GALNS: variants seen among roughly 807,000 people sequenced by gnomAD.
GALNS encodes N-acetylgalactosamine-6-sulfatase.
Under a neutral mutation model 65.9 loss-of-function variants are expected in GALNS, and 65 were observed. The observed-to-expected ratio is 0.99, with a 90% CI of 0.81 to 1.21. The LOEUF (loss-of-function observed/expected upper bound fraction) is 1.21, where lower values mean the gene tolerates loss of function less well. Ranked by LOEUF, GALNS falls within the 50% of genes most tolerant of loss-of-function variation. GALNS has a pLI of 0.00. For missense variants in GALNS, 776 were observed against 700.7 expected, an observed-to-expected ratio of 1.11 and a Z score of -1.21; for synonymous variants, 346 against 288.9, an observed-to-expected ratio of 1.20 and a Z score of -2.00.
chr16:88,846,530 T>C (rs537892462), intron 1 of GALNS, among the ~76,000 whole-genome samples: 37 of 148,716 alleles, frequency 2.5e-4, no homozygotes, highest in African/African-American at 9.2e-4. Flanking sequence ...TTTTTTTTTT[T>C]TTTGAGACGA....
rs1555521204 is a variant in GALNS, at chr16:88,833,454, C to CTT, written c.899-1355_899-1354dup. Among the ~76,000 whole-genome samples the CTT allele has an allele frequency of 9.4e-3, 1,322 of 141,162 alleles. 26 individuals are homozygous for CTT. The highest frequency in any genetic ancestry group is 0.033 in the African/African-American group (1,243 of 37,482). 92.6% of individuals were successfully genotyped at this position (141,162 alleles called of 152,430 possible). ...TTTCTTTCCTTCTCTCTCCCATCCC[C>CTT]TTTTTTTTTTTTTTTGACATGGAGT... On this transcript the variant is annotated intron_variant, in intron 8 of 13. Coordinates refer to ENST00000268695, the MANE Select transcript of GALNS (RefSeq NM_000512.5).
At chr16:88,823,872 C>T (rs369672820) in intron 11 of GALNS, among the ~76,000 whole-genome samples, 1 of 152,026 alleles carries the variant, frequency 6.6e-6, no homozygotes, top group East Asian at 1.9e-4. Flanking sequence ...TGCCGGGGAC[C>T]GATGCCCAGG....
intron 4 of GALNS, 133 bp from the exon 5 acceptor site, chr16:88,837,898 C>A: frequency 1.1e-6 from 1 of 893,000 alleles, no homozygotes; most frequent in Non-Finnish European, 1.8e-6. Flanking sequence ...TGGGCTATGC[C>A]TGGGCACGGC....
chr16:88,855,139 T>C, intron 1 of GALNS: 4 of 581,742 alleles, frequency 6.9e-6, no homozygotes, highest in Non-Finnish European at 1.3e-5. Flanking sequence ...ACAGACTAAC[T>C]TTATATTTTA....
chr16:88,851,283 G>A (rs1397084446), intron 1 of GALNS, among the ~76,000 whole-genome samples: 1 of 152,196 alleles, frequency 6.6e-6, no homozygotes, highest in Non-Finnish European at 1.5e-5. Flanking sequence ...GGAGGCTGAG[G>A]AGGGAGGATC....
In GALNS at chr16:88,831,991, G is replaced by T; in HGVS notation, c.1002+7C>A. On this transcript the variant is annotated splice_region_variant and intron_variant, in intron 9 of 13. Coordinates refer to ENST00000268695, the MANE Select transcript of GALNS (RefSeq NM_000512.5). The stretch of plus-strand genomic sequence containing the variant: ...GCTGCCCGGCAGACCGGTGGACGCT[G>T]ACTCACCTGGCCTGCAGTGACGTGC... The T allele has an allele frequency of 6.2e-7, 1 of 1,611,852 alleles. No homozygotes were observed. Among genetic ancestry groups the T allele is most frequent in the Admixed American group, 1.7e-5 (1 of 59,976 alleles).
At chr16:88,851,896 C>G (rs1433218944) in intron 1 of GALNS, among the ~76,000 whole-genome samples, 1 of 152,254 alleles carries the variant, frequency 6.6e-6, no homozygotes, top group African/African-American at 2.4e-5. Flanking sequence ...TCTGCAAAGC[C>G]TGCTGCCTCT....
At chr16:88,855,087 A>G (rs1567548008) in intron 1 of GALNS, 3 of 438,932 alleles carry the variant, frequency 6.8e-6, no homozygotes, top group Non-Finnish European at 8.9e-6. Flanking sequence ...GCAATTCCCT[A>G]TTTACCGGGA....
At chr16:88,818,918 G>A (rs1278170124) in intron 12 of GALNS, among the ~76,000 whole-genome samples, 5 of 152,192 alleles carry the variant, frequency 3.3e-5, no homozygotes, top group Admixed American at 1.3e-4. Flanking sequence ...TGGTGGGGAC[G>A]TGGACCGGAG....
chr16:88,829,496 G>T (rs904055111), intron 9 of GALNS, among the ~76,000 whole-genome samples: 1 of 152,222 alleles, frequency 6.6e-6, no homozygotes, highest in Non-Finnish European at 1.5e-5. Context: ...TGGGAACTTG[G>T]GGTGGCCCAG....
At chr16:88,827,925 AC>A (rs1178010283) in intron 9 of GALNS, among the ~76,000 whole-genome samples, 1 of 152,102 alleles carries the variant, frequency 6.6e-6, no homozygotes, top group African/African-American at 2.4e-5. Flanking sequence ...GTCCAGGGGC[AC>A]CCTCGCCGCC....
chr16:88,839,719 G>A (rs1567535042), intron 4 of GALNS, among the ~76,000 whole-genome samples: 1 of 152,236 alleles, frequency 6.6e-6, no homozygotes. Context: ...GGAGCCTGGG[G>A]CTCTGAGGTC....
At chr16:88,821,373 A>G (rs1910201378) in intron 12 of GALNS, among the ~76,000 whole-genome samples, 1 of 152,236 alleles carries the variant, frequency 6.6e-6, no homozygotes, top group South Asian at 2.1e-4. Flanking sequence ...CCTTGGACCC[A>G]GCGCCACCCG....
intron 10 of GALNS, among the ~76,000 whole-genome samples, chr16:88,826,412 C>T (rs895497450): frequency 8.6e-5 from 13 of 151,982 alleles, no homozygotes; most frequent in Non-Finnish European, 1.6e-4. Flanking sequence ...CGGCATGTGC[C>T]CGGGTACAGG....
chr16:88,840,664 C>T lies in GALNS; in HGVS notation c.422+328G>A, dbSNP rs115776613. 0.013 allele frequency: 5,243 copies of T among 413,872 alleles called. 243 individuals carry two copies. The highest frequency in any genetic ancestry group is 0.099 in the African/African-American group (4,851 of 48,882). The allele number at this position is 413,872 out of a possible 1,614,324, so 25.6% of individuals were successfully genotyped here. A position where few individuals can be genotyped will look rare whatever the true frequency, so the allele number is the denominator to read the frequency against. ...CCTGTGTGTAATGACGTGGCCCCTCCAAGGACGACGTGGCAGGAGGCAGCC... is the reference window on the plus strand; with the variant it reads ...CCTGTGTGTAATGACGTGGCCCCTCTAAGGACGACGTGGCAGGAGGCAGCC... On this transcript the variant is annotated intron_variant, in intron 4 of 13. Coordinates refer to ENST00000268695, the MANE Select transcript of GALNS (RefSeq NM_000512.5).
intron 13 of GALNS, chr16:88,816,509 A>AGGGGGGGGGGGG: frequency 2.5e-6 from 2 of 793,100 alleles, no homozygotes; most frequent in Non-Finnish European, 3.0e-6. Context: ...GAAACTTGCC[A>AGGGGGGGGGGGG]GGCACCCCCG....
In GALNS at chr16:88,836,251, G is replaced by T. The variant is rs1015490959; in HGVS notation, c.583C>A (p.Pro195Thr). ...EMVGRYYEEF[P>T]INLKTGEANL... ...GCTTCCCCCGTCTTCAGATTAATAG[G>T]AAATTCTTCATAATATCTGAAAAGA... Residue 195 changes from proline (P) to threonine (T), a missense_variant, in exon 6 of 14, where the codon CCT becomes ACT. Coordinates refer to ENST00000268695, the MANE Select transcript of GALNS (RefSeq NM_000512.5). 1 of 1,612,860 alleles carries T rather than the reference G, an allele frequency of 6.2e-7. No individual in the cohort carries two copies. Among genetic ancestry groups the T allele is most frequent in the African/African-American group, 1.3e-5 (1 of 75,032 alleles).
intron 11 of GALNS, among the ~76,000 whole-genome samples, chr16:88,824,501 C>G (rs1910596624): frequency 6.6e-6 from 1 of 152,084 alleles, no homozygotes; most frequent in Admixed American, 6.5e-5. Context: ...GGCCACCTGA[C>G]CAGGGTCTAG....
At chr16:88,816,249 G>T in intron 13 of GALNS, 1 of 985,408 alleles carries the variant, frequency 1.0e-6, no homozygotes, top group South Asian at 4.7e-5. Flanking sequence ...CTGTCTCCAT[G>T]GCAGGTGTGG....
Sources: gnomAD v4.1 joint callset for allele counts (sites outside exome capture counted in the v4.1 genomes callset) on GRCh38, gnomAD v4.1.1 for gene constraint, MANE v1.5 for transcripts, NCBI Gene and HGNC (gene_info 2026-07-23, HGNC 2026-07-21) for gene names.